The following PCNX1 variants were observed in gnomAD, a reference collection of about 807,000 sequenced individuals.
The protein encoded by PCNX1 is pecanex-like protein 1.
Under a neutral mutation model 242.2 loss-of-function variants are expected in PCNX1, and 78 were observed. The ratio of observed to expected loss-of-function variants is 0.32; its 90% confidence interval spans 0.27 to 0.39. PCNX1 has a LOEUF of 0.39. PCNX1 is among the 10% of genes least tolerant of loss of function. The pLI, the probability that PCNX1 is intolerant of heterozygous loss-of-function variation, is 1.00. For synonymous variants in PCNX1, 1,024 were observed against 1,032.9 expected, an observed-to-expected ratio of 0.99 and a Z score of 0.17; for missense variants, 2,581 against 2,856.5, an observed-to-expected ratio of 0.90 and a Z score of 2.20.
intron 3 of PCNX1, among the ~76,000 whole-genome samples, chr14:70,967,499 T>C (rs2058415409): frequency 6.6e-6 from 1 of 152,226 alleles, no homozygotes; most frequent in African/African-American, 2.4e-5. Context: ...ATGATTTTCA[T>C]GGTAGTATAA....
rs1401109466 is a variant in PCNX1 at position 70,959,450 on chromosome 14, G to A, written c.363-2776G>A. Among the ~76,000 whole-genome samples the A allele has an allele frequency of 5.3e-4, 73 of 139,008 alleles. No individual in the cohort carries two copies. In the South Asian group the frequency reaches 0.013, roughly 25 times the overall value. The allele number at this position is 139,008 out of a possible 152,430, so 91.2% of individuals were successfully genotyped here. Reference sequence around the variant, plus strand: ...TGTGTCCATGTGTTCTCATTGTTCAGTTCCCACCTATGAGTGAGAATATGC... The same window carrying A: ...TGTGTCCATGTGTTCTCATTGTTCAATTCCCACCTATGAGTGAGAATATGC... On this transcript the variant is annotated intron_variant, in intron 2 of 35. Coordinates refer to ENST00000304743, the MANE Select transcript of PCNX1 (RefSeq NM_014982.3).
intron 3 of PCNX1, 104 bp from the exon 4 acceptor site, chr14:70,968,094 A>G: frequency 1.2e-6 from 1 of 814,062 alleles, no homozygotes; most frequent in South Asian, 1.5e-5. Flanking sequence ...GATCGATAAC[A>G]TGTTTTGATC....
chr14:71,073,433 A>G, intron 26 of PCNX1, 112 bp from the exon 27 acceptor site: 12 of 1,025,398 alleles, frequency 1.2e-5, no homozygotes, highest in East Asian at 4.8e-5. Flanking sequence ...TCCATCACAT[A>G]CTTTCAATTG....
chr14:71,096,505 CTG>C (rs2062285776), intron 30 of PCNX1, among the ~76,000 whole-genome samples: 1 of 152,114 alleles, frequency 6.6e-6, no homozygotes, highest in East Asian at 1.9e-4. Context: ...ATTACTATGC[CTG>C]TATCTGGACT....
intron 31 of PCNX1, 76 bp from the exon 32 acceptor site, chr14:71,103,319 C>T (rs1359580371): frequency 5.5e-6 from 8 of 1,456,640 alleles, no homozygotes; most frequent in Non-Finnish European, 7.6e-6. Flanking sequence ...TTGTATTCCT[C>T]CCATTTCTGC....
In PCNX1 at chr14:71,102,079, T is replaced by C. The variant is rs1169178522; in HGVS notation, c.5679T>C (p.His1893=). 2.5e-6 allele frequency: 4 copies of C among 1,613,966 alleles called. No homozygotes were observed. The highest frequency in any genetic ancestry group is 3.4e-6 in the Non-Finnish European group (4 of 1,179,868). ...ATGAGAAGAACCTCGTAATAGCCCA[T>C]GAAGGGGACCCTGCATGGCGGAGTG... is the stretch of plus-strand genomic sequence containing the variant. ...VSHEKNLVIA[H]EGDPAWRSAV... is the part of the protein sequence containing the mutation. The change falls in exon 31 of 36, where the codon CAT becomes CAC. Residue 1893 remains histidine, a synonymous_variant. Coordinates refer to ENST00000304743, the MANE Select transcript of PCNX1 (RefSeq NM_014982.3).
chr14:71,072,940 CA>C (rs1208597987), intron 26 of PCNX1, among the ~76,000 whole-genome samples: 1 of 152,184 alleles, frequency 6.6e-6, no homozygotes, highest in Non-Finnish European at 1.5e-5. Context: ...GATACAAACA[CA>C]ATTGTAAACC....
intron 28 of PCNX1, among the ~76,000 whole-genome samples, chr14:71,087,966 A>T (rs1156539608): frequency 6.9e-6 from 1 of 145,518 alleles, no homozygotes; most frequent in Non-Finnish European, 1.5e-5. Flanking sequence ...AGTAGTTAAT[A>T]AAAAAAAAAG....
At chr14:70,918,339 C>T (rs1037513227) in intron 1 of PCNX1, among the ~76,000 whole-genome samples, 2 of 152,124 alleles carry the variant, frequency 1.3e-5, no homozygotes, top group African/African-American at 2.4e-5. Flanking sequence ...GTGAGAGAAA[C>T]GTGACTCTTC....
chr14:70,964,818 A>G (rs1161785693), intron 3 of PCNX1, among the ~76,000 whole-genome samples: 1 of 152,214 alleles, frequency 6.6e-6, no homozygotes, highest in Non-Finnish European at 1.5e-5. Flanking sequence ...TTTAATAAAA[A>G]TGGGCAAATA....
At chr14:70,939,329 G>A (rs1304450721) in intron 1 of PCNX1, among the ~76,000 whole-genome samples, 1 of 152,134 alleles carries the variant, frequency 6.6e-6, no homozygotes, top group Non-Finnish European at 1.5e-5. Flanking sequence ...CTGGTATGTT[G>A]TGTCTTTGTT....
intron 6 of PCNX1, among the ~76,000 whole-genome samples, chr14:70,985,843 C>G (rs2058985460): frequency 6.6e-6 from 1 of 152,166 alleles, no homozygotes; most frequent in Non-Finnish European, 1.5e-5. Context: ...AAAATGTCAA[C>G]TCCAAAAACA....
At chr14:71,068,715 GTATA>G (rs1383729151) in intron 26 of PCNX1, among the ~76,000 whole-genome samples, 2 of 136,856 alleles carry the variant, frequency 1.5e-5, no homozygotes, top group Admixed American at 7.8e-5. Flanking sequence ...ATATATGTAT[GTATA>G]TATAATATAC....
At chr14:70,983,847 A>G (rs1246651253) in intron 6 of PCNX1, among the ~76,000 whole-genome samples, 1 of 151,514 alleles carries the variant, frequency 6.6e-6, no homozygotes, top group Non-Finnish European at 1.5e-5. Context: ...AAATCTTTGT[A>G]TGTTGATGGT....
At chr14:71,044,750 A>G (rs1260189088) in intron 19 of PCNX1, 1 of 176,612 alleles carries the variant, frequency 5.7e-6, no homozygotes, top group Non-Finnish European at 1.2e-5. Flanking sequence ...CACTCAGCCA[A>G]CTGTTCCGGG....
chr14:70,989,603 C>A (rs1392353783), intron 7 of PCNX1, among the ~76,000 whole-genome samples: 1 of 145,714 alleles, frequency 6.9e-6, no homozygotes, highest in Non-Finnish European at 1.5e-5. Context: ...GATCTTGGCT[C>A]ACTGCAACCT....
chr14:71,014,515 A>G (rs1333199356), intron 11 of PCNX1, among the ~76,000 whole-genome samples: 1 of 152,250 alleles, frequency 6.6e-6, no homozygotes, highest in Non-Finnish European at 1.5e-5. Flanking sequence ...AAAGTTAACT[A>G]CGGACATAGA....
chr14:71,011,578 A>G (rs2059822171), intron 10 of PCNX1, 29 bp downstream of exon 10: 1 of 1,242,734 alleles, frequency 8.0e-7, no homozygotes, highest in Non-Finnish European at 1.2e-6. Context: ...TTACAACATG[A>G]TAAATTTTCA....
Position 70,977,762 on chromosome 14 carries a change from G to A in PCNX1, c.1425G>A (p.Glu475=). ...CCAAGGACCCCACCCCCTCTGATGA[G>A]ATGCACAACCAGAGAGGTCTCAGCA... ...HEAKDPTPSD[E]MHNQRGLSTS... is the part of the protein sequence containing the mutation. The change falls in exon 6 of 36, where the codon GAG becomes GAA. Residue 475 remains glutamate (E), a synonymous_variant. Coordinates refer to ENST00000304743, the MANE Select transcript of PCNX1 (RefSeq NM_014982.3). The A allele has an allele frequency of 6.2e-7, 1 of 1,614,104 alleles. No homozygotes were observed. Among genetic ancestry groups the A allele is most frequent in the South Asian group, 1.1e-5 (1 of 91,070 alleles).
Sources: allele counts gnomAD v4.1 joint callset (sites outside exome capture counted in the v4.1 genomes callset), GRCh38; gene constraint gnomAD v4.1.1; transcripts MANE v1.5; gene names NCBI Gene and HGNC (gene_info 2026-07-23, HGNC 2026-07-21).